Variants in SMLR1 observed in about 807,000 individuals in gnomAD.
The protein encoded by SMLR1 is small leucine rich protein 1, also known as small leucine-rich protein 1.
Under a neutral mutation model 6.1 loss-of-function variants are expected in SMLR1, and 3 were observed. The ratio of observed to expected loss-of-function variants is 0.49; its 90% CI spans 0.22 to 1.28. SMLR1 has a LOEUF of 1.28. Ranked by LOEUF, SMLR1 falls within the 50% of genes most tolerant of loss-of-function variation. SMLR1 has a pLI of 0.19. For missense variants in SMLR1, 126 were observed against 124.8 expected (o/e 1.01, Z -0.05); for synonymous variants, 55 against 53.6 (o/e 1.03, Z -0.11).
At chr6:130,829,607 A>G (rs1012502813) in intron 1 of SMLR1, among the ~76,000 whole-genome samples, 7 of 152,214 alleles carry the variant, frequency 4.6e-5, no homozygotes, top group Non-Finnish European at 7.3e-5. Flanking sequence ...CTAGAGATCA[A>G]GTCTCAGAAA....
intron 1 of SMLR1, among the ~76,000 whole-genome samples, chr6:130,832,170 C>A (rs140150821): frequency 6.6e-6 from 1 of 152,080 alleles, no homozygotes; most frequent in Non-Finnish European, 1.5e-5. Flanking sequence ...GATTCCCAAA[C>A]CTTTACTTCC....
chr6:130,827,769 G>A, intron 1 of SMLR1, 118 bp downstream of exon 1: 1 of 720,460 alleles, frequency 1.4e-6, no homozygotes, highest in Non-Finnish European at 2.2e-6. Flanking sequence ...TATATATTTT[G>A]TAGGTACTTC....
intron 1 of SMLR1, among the ~76,000 whole-genome samples, chr6:130,832,713 C>A (rs1264096526): frequency 6.6e-6 from 1 of 152,042 alleles, no homozygotes; most frequent in Non-Finnish European, 1.5e-5. Context: ...GGTTACCTAC[C>A]CACAAAGTGG....
At position 130,835,040 on chromosome 6, in the gene SMLR1, T is replaced by C. The variant is rs930247544; in HGVS notation, c.*85T>C. 8 of 1,053,628 alleles carry C rather than the reference T, an allele frequency of 7.6e-6. No individual in the cohort carries two copies. The highest frequency in any genetic ancestry group is 5.2e-5 in the East Asian group (2 of 38,360). The allele number at this position is 1,053,628 out of a possible 1,614,324, so 65.3% of individuals were successfully genotyped here. ...CCAACAGTTCAGCTAATAAAGTAGG[T>C]TGATAAACTAGAACCATAGCAAAAT... On this transcript the variant is annotated 3_prime_UTR_variant, in exon 2 of 2. Transcript: ENST00000541421.
At chr6:130,831,494 A>G (rs1367852521) in intron 1 of SMLR1, among the ~76,000 whole-genome samples, 1 of 152,142 alleles carries the variant, frequency 6.6e-6, no homozygotes, top group Non-Finnish European at 1.5e-5. Context: ...AAGAACATGT[A>G]CCTTTGAAAA....
At chr6:130,833,176 T>C (rs1774520295) in intron 1 of SMLR1, among the ~76,000 whole-genome samples, 1 of 152,166 alleles carries the variant, frequency 6.6e-6, no homozygotes, top group African/African-American at 2.4e-5. Context: ...TAGGGAGGCA[T>C]TATTTTACTT....
intron 1 of SMLR1, among the ~76,000 whole-genome samples, chr6:130,829,642 C>T (rs2128384319): frequency 6.6e-6 from 1 of 152,328 alleles, no homozygotes; most frequent in South Asian, 2.1e-4. Flanking sequence ...AAGTTTGTAA[C>T]TCAATACAAT....
rs529087075 is a variant in SMLR1 at position 130,835,423 on chromosome 6, T to C, written c.*468T>C. On this transcript the variant is annotated 3_prime_UTR_variant, in exon 2 of 2. Transcript: ENST00000541421. ...ATATGCAAGAATATTTCCACGTTCT[T>C]CTTGCAGTTCAGCAACTCTTAAGTG... 8 of 155,328 alleles carry C rather than the reference T, an allele frequency of 5.2e-5. No homozygotes were observed. The highest frequency in any genetic ancestry group is 1.9e-4 in the African/African-American group (8 of 41,476). 9.6% of individuals were successfully genotyped at this position (155,328 alleles called of 1,614,324 possible). A position where few individuals can be genotyped will look rare whatever the true frequency, so the allele number is the denominator to read the frequency against.
chr6:130,830,899 C>G (rs780175055), intron 1 of SMLR1, among the ~76,000 whole-genome samples: 1 of 152,188 alleles, frequency 6.6e-6, no homozygotes. Flanking sequence ...CGCCCCCCCG[C>G]GTTTAGCATA....
rs1020159467 is a variant in SMLR1, at chr6:130,835,336, C to A, written c.*381C>A. 1.2e-5 allele frequency: 2 copies of A among 170,894 alleles called. No individual in the cohort carries two copies. Among genetic ancestry groups the A allele is most frequent in the African/African-American group, 2.4e-5 (1 of 42,168 alleles). The allele number at this position is 170,894 out of a possible 1,614,324, so 10.6% of individuals were successfully genotyped here. ...TATTCCGATTTTAGAGGTGAAGAAA[C>A]CTTGGTAGAGATCCAATGAATAGCA... On this transcript the variant is annotated 3_prime_UTR_variant, in exon 2 of 2. Coordinates refer to ENST00000541421, the MANE Select transcript of SMLR1 (RefSeq NM_001195597.2).
chr6:130,828,538 C>T (rs1774347975), intron 1 of SMLR1, among the ~76,000 whole-genome samples: 1 of 152,138 alleles, frequency 6.6e-6, no homozygotes. Flanking sequence ...TTGGACTTGC[C>T]AAGCTTTTGT....
chr6:130,833,534 T>C (rs950182743), intron 1 of SMLR1, among the ~76,000 whole-genome samples: 1 of 152,192 alleles, frequency 6.6e-6, no homozygotes, highest in African/African-American at 2.4e-5. Flanking sequence ...ACTCAGTAGC[T>C]GAAACTGTGG....
In SMLR1 at chr6:130,835,884, T is replaced by A. The variant is rs1163503498; in HGVS notation, c.*929T>A. The A allele has an allele frequency of 2.6e-5, 4 of 152,202 alleles. No homozygotes were observed. Among genetic ancestry groups the A allele is most frequent in the South Asian group, 2.1e-4 (1 of 4,828 alleles). The allele number at this position is 152,202 out of a possible 1,614,324, so 9.4% of individuals were successfully genotyped here. A position where few individuals can be genotyped will look rare whatever the true frequency, so the allele number is the denominator to read the frequency against. On this transcript the variant is annotated 3_prime_UTR_variant, in exon 2 of 2. Transcript: ENST00000541421. ...TCTTCCAGTTAACATAAATCAAAGA[T>A]GTTCAATGCATTCTAAGTGTAAGAC... is the stretch of plus-strand genomic sequence containing the variant.
rs1774312681 is a variant in SMLR1, at chr6:130,827,543, G to C, written c.130G>C (p.Ala44Pro). ...VWLAMSSVLS[A>P]FMRELPGWFL... ...GTTGGCAATGAGCTCTGTGCTGTCA[G>C]CTTTCATGAGGGAGCTCCCTGGCTG... Residue 44 changes from alanine (A) to proline (P), a missense_variant, in exon 1 of 2, where the codon GCT (alanine) becomes CCT (proline). Coordinates refer to ENST00000541421, the MANE Select transcript of SMLR1 (RefSeq NM_001195597.2). 1 of 1,535,846 alleles carries C rather than the reference G, an allele frequency of 6.5e-7. No individual in the cohort carries two copies. Among genetic ancestry groups the C allele is most frequent in the Non-Finnish European group, 8.7e-7 (1 of 1,146,858 alleles).
intron 1 of SMLR1, 64 bp from the exon 2 acceptor site, chr6:130,834,806 G>A (rs982241753): frequency 1.4e-6 from 2 of 1,381,998 alleles, no homozygotes; most frequent in African/African-American, 2.9e-5. Flanking sequence ...CAGCCCTTAT[G>A]AACTCTAAAT....
rs1774625636 is a variant in SMLR1, at chr6:130,835,495, T to C, written c.*540T>C. On this transcript the variant is annotated 3_prime_UTR_variant, in exon 2 of 2. Coordinates refer to ENST00000541421, the MANE Select transcript of SMLR1 (RefSeq NM_001195597.2). ...TGGACCTGACTTTGCTTCTCTCCTT[T>C]TCCTGATTGCTTTCACAAATCATTA... The C allele has an allele frequency of 6.6e-6, 1 of 152,590 alleles. No homozygotes were observed. Among genetic ancestry groups the C allele is most frequent in the Non-Finnish European group, 1.5e-5 (1 of 68,336 alleles). 9.5% of individuals were successfully genotyped at this position (152,590 alleles called of 1,614,324 possible).
chr6:130,836,306 T>C lies in SMLR1; in HGVS notation c.*1351T>C, dbSNP rs1342443696. 1 of 152,214 alleles carries C rather than the reference T, an allele frequency of 6.6e-6. No individual in the cohort carries two copies. Among genetic ancestry groups the C allele is most frequent in the African/African-American group, 2.4e-5 (1 of 41,468 alleles). 9.4% of individuals were successfully genotyped at this position (152,214 alleles called of 1,614,324 possible). On this transcript the variant is annotated 3_prime_UTR_variant, in exon 2 of 2. Transcript: ENST00000541421. ...CCATATGGAAGGAATAACAATATTC[T>C]TTCAGTTTTGGGAGAGATCTCTTTT...
chr6:130,835,020 A>G lies in SMLR1; in HGVS notation c.*65A>G. The G allele has an allele frequency of 8.1e-7, 1 of 1,228,254 alleles. No individual in the cohort carries two copies. The highest frequency in any genetic ancestry group is 1.3e-5 in the South Asian group (1 of 77,620). The allele number at this position is 1,228,254 out of a possible 1,614,324, so 76.1% of individuals were successfully genotyped here. A position where few individuals can be genotyped will look rare whatever the true frequency, so the allele number is the denominator to read the frequency against. On this transcript the variant is annotated 3_prime_UTR_variant, in exon 2 of 2. Transcript: ENST00000541421. Reference sequence around the variant, plus strand: ...TACTGGTCAGCAAGCAATGGCCAACAGTTCAGCTAATAAAGTAGGTTGATA... The same window carrying G: ...TACTGGTCAGCAAGCAATGGCCAACGGTTCAGCTAATAAAGTAGGTTGATA...
chr6:130,832,541 G>A lies in SMLR1; in HGVS notation c.239-2329G>A, dbSNP rs74910704. ...TATAGGACGGGTATGGTGATTAAGC[G>A]AGGTAATACATATAAGGTTCTTAAC... On this transcript the variant is annotated intron_variant, in intron 1 of 1. Coordinates refer to ENST00000541421, the MANE Select transcript of SMLR1 (RefSeq NM_001195597.2). Among the ~76,000 whole-genome samples the A allele has an allele frequency of 0.023, 3,501 of 152,226 alleles. 227 individuals are homozygous for A. In the East Asian group the frequency reaches 0.27, roughly 12 times the overall value.
Sources: allele counts gnomAD v4.1 joint callset (sites outside exome capture counted in the v4.1 genomes callset), GRCh38; gene constraint gnomAD v4.1.1; transcripts MANE v1.5; gene names NCBI Gene and HGNC (gene_info 2026-07-23, HGNC 2026-07-21).